Variants in TP53INP2 observed in about 807,000 individuals in gnomAD.
TP53INP2 encodes the protein tumor protein p53-inducible nuclear protein 2.
A neutral mutation model predicts 17.1 loss-of-function variants in TP53INP2; 12 were observed. The ratio of observed to expected loss-of-function variants is 0.70; its 90% CI spans 0.45 to 1.14. The LOEUF is 1.14. Ranked by LOEUF, TP53INP2 falls within the 50% of genes most tolerant of loss-of-function variation. The pLI, the probability that TP53INP2 is intolerant of heterozygous loss-of-function variation, is 0.00. For synonymous variants in TP53INP2, 145 were observed against 147.3 expected (o/e 0.98, Z 0.12); for missense variants, 342 against 330.9 (o/e 1.03, Z -0.26).
In TP53INP2 at chr20:34,709,349, A is replaced by G. The variant is rs1988096101; in HGVS notation, c.238A>G (p.Thr80Ala). Reference sequence around the variant, plus strand: ...GTTTGTTACCCCTCCCGCCTGTTTTACGGCAGAGGGGCCTGGACTCGGTCC... The same window carrying G: ...GTTTGTTACCCCTCCCGCCTGTTTTGCGGCAGAGGGGCCTGGACTCGGTCC... ...SWFVTPPACF[T>A]AEGPGLGPAR... The change falls in exon 4 of 5, where the codon ACG becomes GCG. Residue 80 changes from threonine to alanine, a missense_variant. Physicochemically the swap from Thr to Ala is moderately conservative, Grantham distance 58. Transcript: ENST00000374810. The surrounding 1 kb of genome is among the most constrained non-coding windows in gnomAD (Gnocchi z 5.4). The G allele has an allele frequency of 2.5e-6, 4 of 1,613,258 alleles. No individual in the cohort carries two copies. Among genetic ancestry groups the G allele is most frequent in the Non-Finnish European group, 3.4e-6 (4 of 1,179,746 alleles).
rs1237276978 is a variant in TP53INP2, at chr20:34,710,482, A to G, written c.*175A>G. ...TCTCTGATCCTCTAATCTGCCTCTG[A>G]ACCCATTCACCCTTCACCCTCACTC... On this transcript the variant is annotated 3_prime_UTR_variant, in exon 5 of 5. Transcript: ENST00000374810. This position sits in a 1 kb window ranked among gnomAD's most constrained non-coding sequence, Gnocchi z 4.9. 3 of 685,604 alleles carry G rather than the reference A, an allele frequency of 4.4e-6. No homozygotes were observed. The highest frequency in any genetic ancestry group is 6.2e-6 in the Non-Finnish European group (3 of 487,376). 42.5% of individuals were successfully genotyped at this position (685,604 alleles called of 1,614,324 possible). A position where few individuals can be genotyped will look rare whatever the true frequency, so the allele number is the denominator to read the frequency against.
intron 2 of TP53INP2, among the ~76,000 whole-genome samples, chr20:34,707,503 G>A (rs1988029300): frequency 6.6e-6 from 1 of 152,108 alleles, no homozygotes; most frequent in Non-Finnish European, 1.5e-5. Context: ...AATACACATG[G>A]ACCATGACCC....
In TP53INP2 at chr20:34,710,157, G is replaced by T; in HGVS notation, c.513G>T (p.Arg171=). ...ALLEKAGQVR[R]LQRARQRAER... is the part of the protein sequence containing the mutation. ...TGGAGAAGGCGGGCCAGGTGCGGCG[G>T]CTGCAGCGGGCCCGGCAGCGGGCAG... The change falls in exon 5 of 5, where the codon CGG becomes CGT. Residue 171 remains arginine (R), a synonymous_variant. Coordinates refer to ENST00000374810, the MANE Select transcript of TP53INP2 (RefSeq NM_021202.3). The surrounding 1 kb of genome is among the most constrained non-coding windows in gnomAD (Gnocchi z 4.9). The T allele has an allele frequency of 7.8e-7, 1 of 1,285,480 alleles. No individual in the cohort carries two copies. The highest frequency in any genetic ancestry group is 2.6e-5 in the South Asian group (1 of 39,086). 79.6% of individuals were successfully genotyped at this position (1,285,480 alleles called of 1,614,324 possible).
At position 34,710,332 on chromosome 20, in the gene TP53INP2, C is replaced by A. The variant is rs1817797855; in HGVS notation, c.*25C>A. On this transcript the variant is annotated 3_prime_UTR_variant, in exon 5 of 5. Transcript: ENST00000374810. The surrounding 1 kb of genome is among the most constrained non-coding windows in gnomAD (Gnocchi z 4.9). The stretch of plus-strand genomic sequence containing the variant: ...AGCGTCCACCGGCCGCGCCACGAAC[C>A]CCTTGCCGATCCCGATCCCTGTCGG... 1.5e-6 allele frequency: 2 copies of A among 1,333,874 alleles called. No homozygotes were observed. The highest frequency in any genetic ancestry group is 1.9e-6 in the Non-Finnish European group (2 of 1,031,782). 82.6% of individuals were successfully genotyped at this position (1,333,874 alleles called of 1,614,324 possible).
At chr20:34,705,002 C>A (rs534973688) in intron 1 of TP53INP2, among the ~76,000 whole-genome samples, 2 of 152,166 alleles carry the variant, frequency 1.3e-5, no homozygotes, top group African/African-American at 4.8e-5. Context: ...CCCCTCCCTC[C>A]GGCTCCAGAC....
Position 34,711,052 on chromosome 20 carries a change from CAGGGAGCAGGGCACCA to C in TP53INP2, c.*752_*767del, listed in dbSNP as rs1988180836. 6.6e-6 allele frequency: 1 copy of C among 152,452 alleles called. No homozygotes were observed. The highest frequency in any genetic ancestry group is 1.5e-5 in the Non-Finnish European group (1 of 68,198). 9.4% of individuals were successfully genotyped at this position (152,452 alleles called of 1,614,324 possible). A position where few individuals can be genotyped will look rare whatever the true frequency, so the allele number is the denominator to read the frequency against. On this transcript the variant is annotated 3_prime_UTR_variant, in exon 5 of 5. Coordinates refer to ENST00000374810, the MANE Select transcript of TP53INP2 (RefSeq NM_021202.3). The surrounding 1 kb of genome is among the most constrained non-coding windows in gnomAD (Gnocchi z 4.1). ...ACAGGACAGACACGTTGAGAAGCTG[CAGGGAGCAGGGCACCA>C]AGGGAGTGTGCACTGTGCTTGCTCA...
intron 2 of TP53INP2, among the ~76,000 whole-genome samples, chr20:34,706,049 T>C (rs1987999705): frequency 6.6e-6 from 1 of 152,114 alleles, no homozygotes; most frequent in Non-Finnish European, 1.5e-5. Context: ...TATCTGAAAT[T>C]TGGGGAGGCA....
Position 34,710,182 on chromosome 20 carries a change from G to A in TP53INP2, c.538G>A (p.Glu180Lys). Residue 180 changes from glutamate to lysine, a missense_variant, in exon 5 of 5, where the codon GAG becomes AAG. By Grantham distance (56) the Glu-to-Lys change is moderately conservative. Coordinates refer to ENST00000374810, the MANE Select transcript of TP53INP2 (RefSeq NM_021202.3). The surrounding 1 kb of genome is among the most constrained non-coding windows in gnomAD (Gnocchi z 4.9). ...RRLQRARQRA[E>K]RHALSAKAVQ... is the part of the protein sequence containing the mutation. ...GCTGCAGCGGGCCCGGCAGCGGGCA[G>A]AGCGCCACGCGCTGAGCGCCAAGGC... 7.2e-7 allele frequency: 1 copy of A among 1,382,354 alleles called. No homozygotes were observed. Among genetic ancestry groups the A allele is most frequent in the South Asian group, 1.7e-5 (1 of 58,062 alleles). The allele number at this position is 1,382,354 out of a possible 1,614,324, so 85.6% of individuals were successfully genotyped here. A position where few individuals can be genotyped will look rare whatever the true frequency, so the allele number is the denominator to read the frequency against.
intron 2 of TP53INP2, among the ~76,000 whole-genome samples, 172 bp downstream of exon 2, chr20:34,705,646 C>T (rs935792450): frequency 6.6e-6 from 1 of 152,070 alleles, no homozygotes; most frequent in African/African-American, 2.4e-5. Context: ...TCCCTCGTCA[C>T]CTCTGCCCAC....
At position 34,709,883 on chromosome 20, in the gene TP53INP2, G is replaced by C. The variant is rs1988127005; in HGVS notation, c.414-175G>C. On this transcript the variant is annotated intron_variant, in intron 4 of 4. Coordinates refer to ENST00000374810, the MANE Select transcript of TP53INP2 (RefSeq NM_021202.3). This position sits in a 1 kb window ranked among gnomAD's most constrained non-coding sequence, Gnocchi z 5.4. ...GTCTCCCCCGAGGTCCAGTTTACCT[G>C]TTAAGGGCTAGAACCGAGGAGGCAC... 6.6e-6 allele frequency among the ~76,000 whole-genome samples: 1 copy of C among 152,164 alleles called. No individual in the cohort carries two copies. Among genetic ancestry groups the C allele is most frequent in the Non-Finnish European group, 1.5e-5 (1 of 68,010 alleles).
intron 2 of TP53INP2, among the ~76,000 whole-genome samples, chr20:34,707,829 G>A (rs1371873860): frequency 2.6e-5 from 4 of 152,120 alleles, no homozygotes; most frequent in African/African-American, 9.7e-5. Flanking sequence ...ACCAAGTTTC[G>A]CTCTGTCACC....
In TP53INP2 at chr20:34,709,800, C is replaced by G. The variant is rs1000496353; in HGVS notation, c.414-258C>G. 6.7e-6 allele frequency among the ~76,000 whole-genome samples: 1 copy of G among 150,190 alleles called. No individual in the cohort carries two copies. The highest frequency in any genetic ancestry group is 2.5e-5 in the African/African-American group (1 of 39,740). On this transcript the variant is annotated intron_variant, in intron 4 of 4. Transcript: ENST00000374810. The surrounding 1 kb of genome is among the most constrained non-coding windows in gnomAD (Gnocchi z 5.4). Reference sequence around the variant, plus strand: ...GGAGGCTTGAGGAGCGTGGCTGGAGCGCCTAGGGAGTGGGACTTAAACAGA... The same window carrying G: ...GGAGGCTTGAGGAGCGTGGCTGGAGGGCCTAGGGAGTGGGACTTAAACAGA...
At chr20:34,708,504 T>TA (rs1298095784) in intron 2 of TP53INP2, among the ~76,000 whole-genome samples, 187 bp from the exon 3 acceptor site, 1 of 151,682 alleles carries the variant, frequency 6.6e-6, no homozygotes, top group Non-Finnish European at 1.5e-5. Context: ...TCTAAAATCA[T>TA]ACAGAAGATA....
chr20:34,708,733 C>T lies in TP53INP2; in HGVS notation c.-7C>T, dbSNP rs763118460. The T allele has an allele frequency of 1.0e-5, 16 of 1,573,188 alleles. No homozygotes were observed. The highest frequency in any genetic ancestry group is 1.4e-5 in the Non-Finnish European group (16 of 1,160,250). On this transcript the variant is annotated 5_prime_UTR_variant, in exon 3 of 5. Coordinates refer to ENST00000374810, the MANE Select transcript of TP53INP2 (RefSeq NM_021202.3). ...GGGCGCCCCCGTGAGGCGCTTCGCC[C>T]CCCACCATGTTCCAGCGCCTCTCCA...
In TP53INP2 at chr20:34,709,855, C is replaced by T. The variant is rs1029510887; in HGVS notation, c.414-203C>T. Reference sequence around the variant, plus strand: ...CAAGGGTGGAATAGGGGGTGGGGGTCCAGTCTCCCCCGAGGTCCAGTTTAC... The same window carrying T: ...CAAGGGTGGAATAGGGGGTGGGGGTTCAGTCTCCCCCGAGGTCCAGTTTAC... On this transcript the variant is annotated intron_variant, in intron 4 of 4. Coordinates refer to ENST00000374810, the MANE Select transcript of TP53INP2 (RefSeq NM_021202.3). The surrounding 1 kb of genome is among the most constrained non-coding windows in gnomAD (Gnocchi z 5.4). Among the ~76,000 whole-genome samples, 2 of 152,086 alleles carry T rather than the reference C, an allele frequency of 1.3e-5. No individual in the cohort carries two copies. Among genetic ancestry groups the T allele is most frequent in the Admixed American group, 6.5e-5 (1 of 15,274 alleles).
At position 34,709,308 on chromosome 20, in the gene TP53INP2, T is replaced by G; in HGVS notation, c.197T>G (p.Leu66Trp). Residue 66 changes from leucine to tryptophan, a missense_variant, in exon 4 of 5, where the codon TTG (leucine) becomes TGG (tryptophan). Transcript: ENST00000374810. The surrounding 1 kb of genome is among the most constrained non-coding windows in gnomAD (Gnocchi z 5.4). ...PAGRPPPAPS[L>W]MDESWFVTPP... ...GGCCGCCCTCCGCCCGCGCCCTCCT[T>G]GATGGACGAGAGCTGGTTTGTTACC... is the stretch of plus-strand genomic sequence containing the variant. The G allele has an allele frequency of 6.2e-7, 1 of 1,612,396 alleles. No individual in the cohort carries two copies. Among genetic ancestry groups the G allele is most frequent in the Non-Finnish European group, 8.5e-7 (1 of 1,179,438 alleles).
At chr20:34,704,745 A>AC (rs1987968109) in intron 1 of TP53INP2, 3 of 152,330 alleles carry the variant, frequency 2.0e-5, no homozygotes, top group South Asian at 4.1e-4. Context: ...TCCTCCCGTG[A>AC]CCCGGTAGCC....
rs1279425952 is a variant in TP53INP2, at chr20:34,709,673, T to TG, written c.413+155dup. On this transcript the variant is annotated intron_variant, in intron 4 of 4. Transcript: ENST00000374810. This position sits in a 1 kb window ranked among gnomAD's most constrained non-coding sequence, Gnocchi z 5.4. The stretch of plus-strand genomic sequence containing the variant: ...TGGGAGGGTTGCCTTTGAGACAAAG[T>TG]GGGGGGCCGGTGGGCCTCCGGGCGA... The TG allele has an allele frequency of 2.8e-6, 4 of 1,419,076 alleles. No individual in the cohort carries two copies. The highest frequency in any genetic ancestry group is 3.7e-6 in the Non-Finnish European group (4 of 1,091,582). 87.9% of individuals were successfully genotyped at this position (1,419,076 alleles called of 1,614,324 possible).
In TP53INP2 at chr20:34,709,596, G is replaced by GA; in HGVS notation, c.413+72_413+73insA. 6.7e-7 allele frequency: 1 copy of GA among 1,497,232 alleles called. No homozygotes were observed. The highest frequency in any genetic ancestry group is 1.3e-5 in the South Asian group (1 of 77,034). The allele number at this position is 1,497,232 out of a possible 1,614,324, so 92.7% of individuals were successfully genotyped here. On this transcript the variant is annotated intron_variant, in intron 4 of 4. Coordinates refer to ENST00000374810, the MANE Select transcript of TP53INP2 (RefSeq NM_021202.3). This position sits in a 1 kb window ranked among gnomAD's most constrained non-coding sequence, Gnocchi z 5.4. ...TGGAGGCCAGGGTCCAGGCTAGGAG[G>GA]CTGGGGTAGTGGGGCCAGGAGCCCG...
Sources: gnomAD v4.1 joint callset for allele counts (sites outside exome capture counted in the v4.1 genomes callset) on GRCh38, gnomAD v4.1.1 for gene constraint, Gnocchi (gnomAD v3.1) non-coding constraint, MANE v1.5 for transcripts, NCBI Gene and HGNC (gene_info 2026-07-23, HGNC 2026-07-21) for gene names.